SLC18A2: variants seen among roughly 807,000 people sequenced by gnomAD.
SLC18A2 encodes the protein solute carrier family 18 member A2, also known as synaptic vesicular amine transporter.
A neutral mutation model predicts 59.2 loss-of-function variants in SLC18A2; 33 were observed. That is an observed-to-expected ratio of 0.56 (90% CI 0.42 to 0.75). The LOEUF is 0.75. Among genes scored for constraint, SLC18A2 ranks in the 30% least tolerant of loss-of-function variants. SLC18A2 has a pLI of 0.00. For missense variants in SLC18A2, 569 were observed against 668.6 expected, an observed-to-expected ratio of 0.85 and a Z score of 1.64; for synonymous variants, 228 against 253.5, an observed-to-expected ratio of 0.90 and a Z score of 0.95.
At chr10:117,253,789 T>A (rs1844192304) in intron 4 of SLC18A2, among the ~76,000 whole-genome samples, 1 of 152,262 alleles carries the variant, frequency 6.6e-6, no homozygotes, top group East Asian at 1.9e-4. Flanking sequence ...GAGGTTGCAG[T>A]AAGCCGAGAT....
Position 117,277,280 on chromosome 10 carries a change from A to G in SLC18A2, c.*14A>G. 1 of 1,469,766 alleles carries G rather than the reference A, an allele frequency of 6.8e-7. No individual in the cohort carries two copies. The highest frequency in any genetic ancestry group is 9.5e-7 in the Non-Finnish European group (1 of 1,051,450). 91.0% of individuals were successfully genotyped at this position (1,469,766 alleles called of 1,614,324 possible). On this transcript the variant is annotated 3_prime_UTR_variant, in exon 16 of 16. Coordinates refer to ENST00000644641, the MANE Select transcript of SLC18A2 (RefSeq NM_003054.6). ...GAAAGTGACTGAGATGAGATCCTCAAAAATCATCAAAGTGTTTAATTGTAT... is the reference window on the plus strand; with the variant it reads ...GAAAGTGACTGAGATGAGATCCTCAGAAATCATCAAAGTGTTTAATTGTAT...
intron 10 of SLC18A2, among the ~76,000 whole-genome samples, chr10:117,259,264 A>G (rs532106040): frequency 2.1e-4 from 32 of 152,266 alleles, no homozygotes; most frequent in African/African-American, 7.5e-4. Flanking sequence ...TTAATGTTTT[A>G]TGTAGTGTTT....
rs75911386 is a variant in SLC18A2, at chr10:117,247,472, G to A, written c.464+3159G>A. 4.2e-3 allele frequency among the ~76,000 whole-genome samples: 639 copies of A among 152,244 alleles called. 5 individuals carry two copies. The highest frequency in any genetic ancestry group is 0.014 in the African/African-American group (588 of 41,532). On this transcript the variant is annotated intron_variant, in intron 3 of 15. Transcript: ENST00000644641. ...CCCATTTCAAGCTTTGTTCTTCCCC[G>A]CTTCCTGTTCTTCCCACCTGCTTAC...
chr10:117,270,197 A>C lies in SLC18A2; in HGVS notation c.1306+7A>C, dbSNP rs780151298. ...TGTATGGGGTATGCTATAGGTAAGG[A>C]CATTGGCTTTTCATAAGAACCTTTT... is the stretch of plus-strand genomic sequence containing the variant. On this transcript the variant is annotated splice_region_variant and intron_variant, in intron 14 of 15. Coordinates refer to ENST00000644641, the MANE Select transcript of SLC18A2 (RefSeq NM_003054.6). The C allele has an allele frequency of 1.2e-6, 2 of 1,614,036 alleles. No homozygotes were observed. Among genetic ancestry groups the C allele is most frequent in the African/African-American group, 2.7e-5 (2 of 74,926 alleles).
In SLC18A2 at chr10:117,255,631, A is replaced by T; in HGVS notation, c.869A>T (p.Lys290Met). The T allele has an allele frequency of 6.2e-7, 1 of 1,613,874 alleles. No individual in the cohort carries two copies. Among genetic ancestry groups the T allele is most frequent in the Non-Finnish European group, 8.5e-7 (1 of 1,179,994 alleles). Residue 290 changes from lysine to methionine, a missense_variant, in exon 9 of 16, where the codon AAG becomes ATG. Lys to Met is a moderately conservative substitution (Grantham distance 95). Coordinates refer to ENST00000644641, the MANE Select transcript of SLC18A2 (RefSeq NM_003054.6). ...GGGACACCCCTAACCACGCTGCTGA[A>T]GGACCCGTACATCCTCATTGCTGCA... Reference protein sequence around the residue: ...QKGTPLTTLLKDPYILIAAGS... With the variant: ...QKGTPLTTLLMDPYILIAAGS...
intron 3 of SLC18A2, among the ~76,000 whole-genome samples, chr10:117,249,220 A>G (rs1243817607): frequency 1.3e-5 from 2 of 152,196 alleles, no homozygotes; most frequent in Non-Finnish European, 2.9e-5. Flanking sequence ...GGGCTTGATG[A>G]GTCTTTGCTT....
At chr10:117,258,311 A>G (rs1213911667) in intron 10 of SLC18A2, among the ~76,000 whole-genome samples, 2 of 152,248 alleles carry the variant, frequency 1.3e-5, no homozygotes, top group Non-Finnish European at 1.5e-5. Context: ...CTGATTGAGG[A>G]CGTAAAACAT....
Position 117,257,981 on chromosome 10 carries a change from A to G in SLC18A2, c.991+89A>G, listed in dbSNP as rs993617269. On this transcript the variant is annotated intron_variant, in intron 10 of 15. Coordinates refer to ENST00000644641, the MANE Select transcript of SLC18A2 (RefSeq NM_003054.6). ...AGGGCATCCCTGCTGAGTTGCCCTTATGGGGATGATAAAGTGATTGCTTCT... is the reference window on the plus strand; with the variant it reads ...AGGGCATCCCTGCTGAGTTGCCCTTGTGGGGATGATAAAGTGATTGCTTCT... The G allele has an allele frequency of 3.7e-6, 3 of 806,948 alleles. No homozygotes were observed. The African/African-American group carries it at 5.2e-5, about 14-fold the overall frequency. 50.0% of individuals were successfully genotyped at this position (806,948 alleles called of 1,614,324 possible).
chr10:117,265,261 C>G (rs1335251260), intron 10 of SLC18A2, among the ~76,000 whole-genome samples: 1 of 152,204 alleles, frequency 6.6e-6, no homozygotes. Flanking sequence ...TGTTGGAAGA[C>G]TCAGCCTGTT....
chr10:117,247,858 A>G (rs1207254196), intron 3 of SLC18A2, among the ~76,000 whole-genome samples: 1 of 152,192 alleles, frequency 6.6e-6, no homozygotes, highest in Non-Finnish European at 1.5e-5. Context: ...CCCACTCTGA[A>G]TCGAGACATT....
intron 11 of SLC18A2, 42 bp from the exon 12 acceptor site, chr10:117,266,942 A>G: frequency 6.2e-7 from 1 of 1,601,106 alleles, no homozygotes; most frequent in Non-Finnish European, 8.5e-7. Flanking sequence ...ACTAGAAAAA[A>G]ATCAAATGAT....
intron 3 of SLC18A2, among the ~76,000 whole-genome samples, chr10:117,248,318 T>C (rs1212737683): frequency 1.3e-5 from 2 of 152,184 alleles, no homozygotes; most frequent in Non-Finnish European, 2.9e-5. Context: ...CCTGAAAATA[T>C]AGAGTAACAA....
chr10:117,275,589 C>A (rs891089050), intron 15 of SLC18A2, among the ~76,000 whole-genome samples: 17 of 152,220 alleles, frequency 1.1e-4, no homozygotes, highest in Non-Finnish European at 2.9e-5. Context: ...CAGGCGGCTC[C>A]TGTCTGCCCC....
chr10:117,254,380 G>A, intron 5 of SLC18A2, 25 bp from the exon 6 acceptor site: 1 of 1,545,750 alleles, frequency 6.5e-7, no homozygotes. Context: ...GAGCTGGCCT[G>A]TTGACTATTT....
intron 15 of SLC18A2, among the ~76,000 whole-genome samples, chr10:117,270,940 A>G (rs951990892): frequency 6.6e-5 from 10 of 152,214 alleles, no homozygotes; most frequent in Non-Finnish European, 1.5e-4. Flanking sequence ...AAATCATTGT[A>G]TATGGACTTT....
intron 3 of SLC18A2, among the ~76,000 whole-genome samples, chr10:117,244,877 G>A (rs1844095219): frequency 6.6e-6 from 1 of 152,252 alleles, no homozygotes; most frequent in Non-Finnish European, 1.5e-5. Flanking sequence ...CCCTTCTGCT[G>A]GCTACGTAGC....
At chr10:117,247,133 C>T (rs1481583505) in intron 3 of SLC18A2, among the ~76,000 whole-genome samples, 1 of 152,198 alleles carries the variant, frequency 6.6e-6, no homozygotes, top group Non-Finnish European at 1.5e-5. Context: ...CTTTAATTGT[C>T]TTCAAGGAGT....
chr10:117,249,403 C>A (rs532975233), intron 3 of SLC18A2, among the ~76,000 whole-genome samples: 1 of 152,250 alleles, frequency 6.6e-6, no homozygotes. Context: ...TTTTGACAAG[C>A]GGAATCGAAG....
intron 3 of SLC18A2, among the ~76,000 whole-genome samples, chr10:117,250,145 A>T (rs1844146209): frequency 6.6e-6 from 1 of 152,190 alleles, no homozygotes; most frequent in South Asian, 2.1e-4. Flanking sequence ...GAGTTTGAGA[A>T]CGGAGACCCA....
Sources: allele counts gnomAD v4.1 joint callset (sites outside exome capture counted in the v4.1 genomes callset), GRCh38; gene constraint gnomAD v4.1.1; transcripts MANE v1.5; gene names NCBI Gene and HGNC (gene_info 2026-07-23, HGNC 2026-07-21).